Variants in L3MBTL3 observed in about 807,000 individuals in gnomAD.
The protein encoded by L3MBTL3 is lethal(3)malignant brain tumor-like protein 3.
A neutral mutation model predicts 102.3 loss-of-function variants in L3MBTL3; 27 were observed. The ratio of observed to expected loss-of-function variants is 0.26; its 90% CI spans 0.19 to 0.36. The LOEUF is 0.36. Among genes scored for constraint, L3MBTL3 ranks in the 10% least tolerant of loss-of-function variants. The probability of loss-of-function intolerance (pLI) is 1.00; values close to 1 mark genes in which losing one functional copy is unlikely to be tolerated. For missense variants in L3MBTL3, 798 were observed against 955.3 expected (o/e 0.84, Z 2.17); for synonymous variants, 340 against 320.9 (o/e 1.06, Z -0.64).
chr6:130,133,468 C>T lies in L3MBTL3; in HGVS notation c.1983C>T (p.Pro661=), dbSNP rs747429335. 6.2e-6 allele frequency: 10 copies of T among 1,613,804 alleles called. No individual in the cohort carries two copies. In the South Asian group the frequency reaches 1.1e-4, roughly 18 times the overall value. ...ATTGACCAGGTGCCCGGGAAGAACC[C>T]ACCGTCCAGCAGGCACAGCGTCGGT... The part of the protein sequence containing the change: ...SHEARGAREE[P]TVQQAQRRSA... The change falls in exon 21 of 23, where the codon CCC becomes CCT. Residue 661 remains proline (P), a synonymous_variant. Coordinates refer to ENST00000361794, the MANE Select transcript of L3MBTL3 (RefSeq NM_032438.4). This position sits in a 1 kb window ranked among gnomAD's most constrained non-coding sequence, Gnocchi z 4.9.
Position 130,139,675 on chromosome 6 carries a change from A to G in L3MBTL3, c.2265A>G (p.Lys755=). 1 of 1,611,918 alleles carries G rather than the reference A, an allele frequency of 6.2e-7. No individual in the cohort carries two copies. The highest frequency in any genetic ancestry group is 1.3e-5 in the African/African-American group (1 of 75,002). ...QTDIVKIMSI[K]LGPALKIFNS... Reference sequence around the variant, plus strand: ...ACATTGTTAAAATTATGAGCATTAAACTGGGCCCTGCTCTCAAAATTTTCA... The same window carrying G: ...ACATTGTTAAAATTATGAGCATTAAGCTGGGCCCTGCTCTCAAAATTTTCA... Residue 755 remains lysine, a synonymous_variant, in exon 23 of 23, where the codon AAA becomes AAG. Transcript: ENST00000361794.
In L3MBTL3 at chr6:130,128,666, G is replaced by T. The variant is rs560660169; in HGVS notation, c.1967-4786G>T. Among the ~76,000 whole-genome samples the T allele has an allele frequency of 2.4e-4, 36 of 152,284 alleles. No homozygotes were observed. In the East Asian group the frequency reaches 6.8e-3, roughly 29 times the overall value. ...GAGACCCTCCACTGTAACTGACTTT[G>T]AGATGATTGTTAGCGTTCGTGCTTC... is the stretch of plus-strand genomic sequence containing the variant. On this transcript the variant is annotated intron_variant, in intron 20 of 22. Coordinates refer to ENST00000361794, the MANE Select transcript of L3MBTL3 (RefSeq NM_032438.4).
intron 6 of L3MBTL3, among the ~76,000 whole-genome samples, chr6:130,052,324 C>A (rs1193579793): frequency 6.6e-6 from 1 of 152,156 alleles, no homozygotes; most frequent in Admixed American, 6.5e-5. Context: ...CCAGGATGGT[C>A]TCAATATCCT....
chr6:130,077,912 T>G (rs1337761057), intron 13 of L3MBTL3, among the ~76,000 whole-genome samples: 1 of 152,140 alleles, frequency 6.6e-6, no homozygotes, highest in East Asian at 1.9e-4. Context: ...CTGAAACATG[T>G]TGCATTTTGA....
At chr6:130,046,974 A>C (rs933217396) in intron 3 of L3MBTL3, among the ~76,000 whole-genome samples, 1 of 152,246 alleles carries the variant, frequency 6.6e-6, no homozygotes, top group Non-Finnish European at 1.5e-5. Context: ...TGGAAGACAC[A>C]GTAAGCCCAA....
At chr6:130,035,704 G>A (rs1031232651) in intron 2 of L3MBTL3, among the ~76,000 whole-genome samples, 10 of 152,160 alleles carry the variant, frequency 6.6e-5, no homozygotes, top group South Asian at 2.1e-4. Context: ...ATGACATTAC[G>A]TATTAGTGGG....
At chr6:130,053,048 C>G (rs765046869) in intron 7 of L3MBTL3, 57 bp downstream of exon 7, 17 of 1,351,008 alleles carry the variant, frequency 1.3e-5, no homozygotes, top group Admixed American at 1.7e-5. Flanking sequence ...TGGGTAGCAT[C>G]ACAGTCACAA....
At chr6:130,048,350 G>C (rs571247639) in intron 3 of L3MBTL3, among the ~76,000 whole-genome samples, 1 of 152,180 alleles carries the variant, frequency 6.6e-6, no homozygotes, top group African/African-American at 2.4e-5. Context: ...ATGTTATTCT[G>C]TTTTATGGAA....
chr6:130,086,021 G>A (rs1783661810), intron 15 of L3MBTL3, 119 bp from the exon 16 acceptor site: 1 of 678,292 alleles, frequency 1.5e-6, no homozygotes, highest in South Asian at 1.5e-5. Flanking sequence ...CCAAAGTGCT[G>A]GGATTACAGG....
chr6:130,082,473 T>C (rs1021340174), intron 14 of L3MBTL3, among the ~76,000 whole-genome samples: 1 of 152,234 alleles, frequency 6.6e-6, no homozygotes, highest in Non-Finnish European at 1.5e-5. Context: ...CAGTGAGTTA[T>C]AATTGATTGC....
At chr6:130,039,804 TGCA>T (rs1042100113) in intron 2 of L3MBTL3, among the ~76,000 whole-genome samples, 1 of 152,220 alleles carries the variant, frequency 6.6e-6, no homozygotes, top group Non-Finnish European at 1.5e-5. Context: ...GCATTCTTGT[TGCA>T]TTGGGTTGTT....
In L3MBTL3 at chr6:130,133,897, A is replaced by G; in HGVS notation, c.2191A>G (p.Lys731Glu). ...GTGTGAAGAACATGGAAAGGTATTTAAAGATGAAGTAAGTATTCCACTAAA... is the reference window on the plus strand; with the variant it reads ...GTGTGAAGAACATGGAAAGGTATTTGAAGATGAAGTAAGTATTCCACTAAA... ...PGCEEHGKVF[K>E]DEQIDGEAFL... The change falls in exon 22 of 23, where the codon AAA (lysine) becomes GAA (glutamate). Residue 731 changes from lysine (K) to glutamate (E), a missense_variant. Physicochemically the swap from Lys to Glu is moderately conservative, Grantham distance 56 (BLOSUM62 1). Coordinates refer to ENST00000361794, the MANE Select transcript of L3MBTL3 (RefSeq NM_032438.4). The surrounding 1 kb of genome is among the most constrained non-coding windows in gnomAD (Gnocchi z 4.9). The G allele has an allele frequency of 6.2e-7, 1 of 1,611,310 alleles. No homozygotes were observed. The highest frequency in any genetic ancestry group is 8.5e-7 in the Non-Finnish European group (1 of 1,177,542).
rs577259840 is a variant in L3MBTL3, at chr6:130,070,893, T to C, written c.1093-83T>C. The stretch of plus-strand genomic sequence containing the variant: ...AATACAGCAGTGGATGCTGGGCCTT[T>C]GAGCAGGAGGTGCAGAGAGTGTGCA... On this transcript the variant is annotated intron_variant, in intron 12 of 22. Transcript: ENST00000361794. The C allele has an allele frequency of 4.0e-5, 41 of 1,013,452 alleles. 1 individual carries two copies. In the African/African-American group the frequency reaches 5.9e-4, roughly 15 times the overall value. The allele number at this position is 1,013,452 out of a possible 1,614,324, so 62.8% of individuals were successfully genotyped here.
chr6:130,130,813 G>T lies in L3MBTL3; in HGVS notation c.1967-2639G>T, dbSNP rs529485267. 1.8e-4 allele frequency among the ~76,000 whole-genome samples: 27 copies of T among 152,292 alleles called. 1 individual carries two copies. In the Middle Eastern group the frequency reaches 0.017, roughly 96 times the overall value. ...AATTTTTCTGTATAAGCTCAATGAG[G>T]TAGTACCAGAACCAGTGGGTGTCAA... On this transcript the variant is annotated intron_variant, in intron 20 of 22. Coordinates refer to ENST00000361794, the MANE Select transcript of L3MBTL3 (RefSeq NM_032438.4).
At chr6:130,103,366 T>C (rs746372182) in intron 18 of L3MBTL3, among the ~76,000 whole-genome samples, 5 of 152,250 alleles carry the variant, frequency 3.3e-5, no homozygotes, top group Admixed American at 6.5e-5. Flanking sequence ...ATATATCTTA[T>C]AGGCCATTAT....
At chr6:130,134,992 A>T (rs1369225270) in intron 22 of L3MBTL3, among the ~76,000 whole-genome samples, 1 of 148,598 alleles carries the variant, frequency 6.7e-6, no homozygotes, top group Non-Finnish European at 1.5e-5. Flanking sequence ...TTGATCTTTA[A>T]TTGGCAGTTA....
intron 19 of L3MBTL3, among the ~76,000 whole-genome samples, chr6:130,109,229 G>A (rs1409052501): frequency 2.6e-5 from 4 of 152,112 alleles, no homozygotes; most frequent in Non-Finnish European, 5.9e-5. Flanking sequence ...TCCAGTAATG[G>A]GATTGCTGGG....
chr6:130,139,592 T>C lies in L3MBTL3; in HGVS notation c.2200-18T>C. On this transcript the variant is annotated intron_variant, in intron 22 of 22. Coordinates refer to ENST00000361794, the MANE Select transcript of L3MBTL3 (RefSeq NM_032438.4). Reference sequence around the variant, plus strand: ...ATCTTGTTAATCCACATTCTGTTGTTTTTTTCCCCCATTTTAGCAAATTGA... The same window carrying C: ...ATCTTGTTAATCCACATTCTGTTGTCTTTTTCCCCCATTTTAGCAAATTGA... 6.2e-7 allele frequency: 1 copy of C among 1,609,804 alleles called. No individual in the cohort carries two copies. Among genetic ancestry groups the C allele is most frequent in the East Asian group, 2.2e-5 (1 of 44,762 alleles).
At chr6:130,086,676 A>G (rs923144415) in intron 16 of L3MBTL3, among the ~76,000 whole-genome samples, 4 of 152,206 alleles carry the variant, frequency 2.6e-5, no homozygotes, top group Non-Finnish European at 1.5e-5. Context: ...TCATGAATAA[A>G]ATCAGATTTT....
Sources: allele counts gnomAD v4.1 joint callset (sites outside exome capture counted in the v4.1 genomes callset), GRCh38; gene constraint gnomAD v4.1.1; non-coding constraint Gnocchi (gnomAD v3.1); transcripts MANE v1.5; gene names NCBI Gene and HGNC (gene_info 2026-07-23, HGNC 2026-07-21).